Variants in PALM observed in about 807,000 individuals in gnomAD.
The protein encoded by PALM is paralemmin-1.
Under a neutral mutation model 30.7 loss-of-function variants are expected in PALM, and 18 were observed. The observed-to-expected ratio is 0.59, with a 90% confidence interval of 0.41 to 0.87. The LOEUF is 0.87. Among genes scored for constraint, PALM ranks in the 40% least tolerant of loss-of-function variants. The pLI is 0.00. For synonymous variants in PALM, 286 were observed against 242.8 expected (o/e 1.18, Z -1.66); for missense variants, 529 against 555.4 (o/e 0.95, Z 0.48).
intron 1 of PALM, among the ~76,000 whole-genome samples, chr19:710,657 C>A (rs372701917): frequency 2.2e-5 from 2 of 92,994 alleles, no homozygotes; most frequent in East Asian, 6.3e-4. Flanking sequence ...TGCTGCCCCC[C>A]CCCCACCCCC....
chr19:725,385 C>T (rs901709696), intron 1 of PALM, among the ~76,000 whole-genome samples: 14 of 151,884 alleles, frequency 9.2e-5, no homozygotes, highest in Non-Finnish European at 1.6e-4. Flanking sequence ...ATGGTGAAAC[C>T]CCTGTCTCTA....
chr19:726,965 G>GGGC, intron 2 of PALM, 43 bp from the exon 3 acceptor site: 3 of 1,037,616 alleles, frequency 2.9e-6, no homozygotes, highest in East Asian at 3.9e-5. Flanking sequence ...GGGTCTCCGG[G>GGGC]ACCCCCACGC....
intron 1 of PALM, among the ~76,000 whole-genome samples, chr19:724,620 C>G (rs1207182347): frequency 1.3e-5 from 2 of 149,360 alleles, no homozygotes; most frequent in Non-Finnish European, 3.0e-5. Context: ...TGCGCCCGGC[C>G]ATTCATTCAT....
At chr19:733,542 C>T (rs982268713) in intron 5 of PALM, among the ~76,000 whole-genome samples, 4 of 152,180 alleles carry the variant, frequency 2.6e-5, no homozygotes, top group Non-Finnish European at 5.9e-5. Flanking sequence ...GACACTAGAC[C>T]CTGAGCCTCG....
chr19:727,111 G>A, intron 3 of PALM, 23 bp downstream of exon 3: 1 of 1,478,648 alleles, frequency 6.8e-7, no homozygotes, highest in Non-Finnish European at 9.2e-7. Flanking sequence ...CAGGGACCCA[G>A]GGTCAGGGAG....
At chr19:743,721 G>C (rs1002245602) in intron 8 of PALM, among the ~76,000 whole-genome samples, 7 of 152,018 alleles carry the variant, frequency 4.6e-5, no homozygotes, top group Non-Finnish European at 7.4e-5. Context: ...AGGGCTGTGA[G>C]CTAGGGCTGG....
chr19:746,635 G>T lies in PALM; in HGVS notation c.985G>T (p.Val329Leu), dbSNP rs1156820748. 5.6e-6 allele frequency: 9 copies of T among 1,612,962 alleles called. No individual in the cohort carries two copies. Among genetic ancestry groups the T allele is most frequent in the Admixed American group, 3.3e-5 (2 of 59,972 alleles). Residue 329 changes from valine (V) to leucine (L), a missense_variant, in exon 9 of 9, where the codon GTG (valine) becomes TTG (leucine). Coordinates refer to ENST00000338448, the MANE Select transcript of PALM (RefSeq NM_002579.3). The surrounding 1 kb of genome is among the most constrained non-coding windows in gnomAD (Gnocchi z 7.1). ...TCAAGATACCATCACGGCGGAGCTGGTGGTCATCGAAGACGCGGCTGAGCC... is the reference window on the plus strand; with the variant it reads ...TCAAGATACCATCACGGCGGAGCTGTTGGTCATCGAAGACGCGGCTGAGCC... ...GLQDTITAEL[V>L]VIEDAAEPKE...
chr19:731,644 C>CACCT (rs1599155820), intron 5 of PALM, among the ~76,000 whole-genome samples: 1 of 152,082 alleles, frequency 6.6e-6, no homozygotes, highest in Non-Finnish European at 1.5e-5. Context: ...GCAGGAGACC[C>CACCT]GGTGCTGGTG....
chr19:740,231 G>T, intron 7 of PALM, 121 bp from the exon 8 acceptor site: 4 of 984,544 alleles, frequency 4.1e-6, no homozygotes, highest in Admixed American at 2.9e-5. Flanking sequence ...CCCCGGCTCC[G>T]CCTGCCCCAT....
intron 6 of PALM, chr19:734,888 G>A (rs1568229899): frequency 5.7e-6 from 1 of 175,960 alleles, no homozygotes; most frequent in South Asian, 1.8e-4. Flanking sequence ...ACAGCCACCA[G>A]CCGGGATTGA....
In PALM at chr19:726,173, G is replaced by C; in HGVS notation, c.41G>C (p.Arg14Pro). ...GCAGAGACCACGTCCCAGCAGGAGC[G>C]GCTGCAGGCCATCGCAGTGAGTTTC... is the stretch of plus-strand genomic sequence containing the variant. ...LAAETTSQQE[R>P]LQAIAEKRKR... The change falls in exon 2 of 9, where the codon CGG (arginine) becomes CCG (proline). Residue 14 changes from arginine (R) to proline (P), a missense_variant. Physicochemically the swap from Arg to Pro is moderately radical, Grantham distance 103. Transcript: ENST00000338448. 1 of 1,613,214 alleles carries C rather than the reference G, an allele frequency of 6.2e-7. No homozygotes were observed. The highest frequency in any genetic ancestry group is 1.3e-5 in the African/African-American group (1 of 75,060).
chr19:721,224 G>C (rs1467085784), intron 1 of PALM, among the ~76,000 whole-genome samples: 1 of 152,150 alleles, frequency 6.6e-6, no homozygotes, highest in African/African-American at 2.4e-5. Context: ...GAGCCAGGGA[G>C]CCTCTAGAGC....
chr19:748,151 G>C lies in PALM; in HGVS notation c.*1337G>C, dbSNP rs969198423. On this transcript the variant is annotated 3_prime_UTR_variant, in exon 9 of 9. Transcript: ENST00000338448. ...GCTGGGAGGAGAGGCCCTCTCGGGG[G>C]TGACCTGGGCGTCAGCCGTGGAACC... 2 of 152,382 alleles carry C rather than the reference G, an allele frequency of 1.3e-5. No individual in the cohort carries two copies. The highest frequency in any genetic ancestry group is 4.8e-5 in the African/African-American group (2 of 41,416). 9.4% of individuals were successfully genotyped at this position (152,382 alleles called of 1,614,324 possible).
chr19:728,746 G>A (rs139726445), intron 4 of PALM, among the ~76,000 whole-genome samples: 4,696 of 152,210 alleles, frequency 0.031, 109 homozygotes, highest in Middle Eastern at 0.13. Flanking sequence ...GCTCAAGCCT[G>A]TAATCCTGGC....
Position 731,169 on chromosome 19 carries a change from C to T in PALM, c.344C>T (p.Pro115Leu), listed in dbSNP as rs368636400. Residue 115 changes from proline (P) to leucine (L), a missense_variant, in exon 5 of 9, where the codon CCG (proline) becomes CTG (leucine). Physicochemically the swap from Pro to Leu is moderately conservative, Grantham distance 98 (BLOSUM62 -3). Transcript: ENST00000338448. ...ACTGCCAAGGAGAACGCGGCGGCCC[C>T]GAGCCCAGTCCGGGCCCCAGCCCCG... Reference protein sequence around the residue: ...PATAKENAAAPSPVRAPAPSP... With the variant: ...PATAKENAAALSPVRAPAPSP... The T allele has an allele frequency of 2.5e-5, 40 of 1,609,470 alleles. No individual in the cohort carries two copies. Among genetic ancestry groups the T allele is most frequent in the Middle Eastern group, 1.7e-4 (1 of 5,976 alleles).
In PALM at chr19:746,905, C is replaced by A; in HGVS notation, c.*91C>A. The A allele has an allele frequency of 1.4e-6, 1 of 712,370 alleles. No individual in the cohort carries two copies. The highest frequency in any genetic ancestry group is 2.3e-6 in the Non-Finnish European group (1 of 437,196). 44.1% of individuals were successfully genotyped at this position (712,370 alleles called of 1,614,324 possible). On this transcript the variant is annotated 3_prime_UTR_variant, in exon 9 of 9. Transcript: ENST00000338448. The surrounding 1 kb of genome is among the most constrained non-coding windows in gnomAD (Gnocchi z 7.1). ...CGCCTGCCCACCCTCCACCCACAGC[C>A]TCACGGGTCCAGGACTTGGCGTGTT...
intron 5 of PALM, among the ~76,000 whole-genome samples, chr19:732,864 C>A (rs2032915246): frequency 6.6e-6 from 1 of 151,394 alleles, no homozygotes; most frequent in African/African-American, 2.4e-5. Flanking sequence ...GAGGGCTGGG[C>A]AGGCGACCTG....
chr19:717,149 C>T (rs1033804441), intron 1 of PALM, among the ~76,000 whole-genome samples: 1 of 152,156 alleles, frequency 6.6e-6, no homozygotes, highest in African/African-American at 2.4e-5. Context: ...AGGATGGTCT[C>T]AATCTCTTGA....
intron 1 of PALM, among the ~76,000 whole-genome samples, chr19:720,595 G>T (rs1462473183): frequency 7.0e-6 from 1 of 143,172 alleles, no homozygotes; most frequent in Non-Finnish European, 1.6e-5. Context: ...AGGGGCGAGG[G>T]GGGCGCCGGG....
Sources: gnomAD v4.1 joint callset for allele counts (sites outside exome capture counted in the v4.1 genomes callset) on GRCh38, gnomAD v4.1.1 for gene constraint, Gnocchi (gnomAD v3.1) non-coding constraint, MANE v1.5 for transcripts, NCBI Gene and HGNC (gene_info 2026-07-23, HGNC 2026-07-21) for gene names.